The following GUCY1A1 variants were observed in gnomAD, a reference collection of about 807,000 sequenced individuals.
GUCY1A1 encodes the protein guanylate cyclase 1 soluble subunit alpha 1, also known as guanylate cyclase soluble subunit alpha-1.
Under a neutral mutation model 64.5 loss-of-function variants are expected in GUCY1A1, and 48 were observed. The observed-to-expected ratio is 0.74, with a 90% CI of 0.59 to 0.95. The LOEUF (loss-of-function observed/expected upper bound fraction) is 0.95. Ranked by LOEUF, GUCY1A1 falls within the 40% of genes least tolerant of loss-of-function variation. The pLI, the probability that GUCY1A1 is intolerant of heterozygous loss-of-function variation, is 0.00. For synonymous variants in GUCY1A1, 308 were observed against 303.4 expected, an observed-to-expected ratio of 1.02 and a Z score of -0.16; for missense variants, 804 against 825.3, an observed-to-expected ratio of 0.97 and a Z score of 0.32.
chr4:155,680,288 T>A (rs980769732), intron 2 of GUCY1A1, among the ~76,000 whole-genome samples: 3 of 152,258 alleles, frequency 2.0e-5, no homozygotes, highest in Admixed American at 2.0e-4. Flanking sequence ...TTATTAACAG[T>A]ATCATAAATG....
chr4:155,690,593 A>T (rs1729608299), intron 2 of GUCY1A1, among the ~76,000 whole-genome samples: 1 of 152,128 alleles, frequency 6.6e-6, no homozygotes, highest in Non-Finnish European at 1.5e-5. Context: ...CTCTGTCTTA[A>T]CCTCATTCAT....
chr4:155,671,611 G>C (rs749792388), intron 2 of GUCY1A1, among the ~76,000 whole-genome samples: 6 of 152,044 alleles, frequency 3.9e-5, no homozygotes, highest in Non-Finnish European at 8.8e-5. Context: ...AGGATGTTAA[G>C]GTCAGTTTGG....
chr4:155,679,474 A>T (rs1323593553), intron 2 of GUCY1A1, among the ~76,000 whole-genome samples: 5 of 152,192 alleles, frequency 3.3e-5, no homozygotes, highest in Admixed American at 3.3e-4. Flanking sequence ...AAGGGGAGCC[A>T]GCGTGTGCAG....
intron 2 of GUCY1A1, among the ~76,000 whole-genome samples, chr4:155,686,172 G>A (rs1728975493): frequency 6.6e-6 from 1 of 152,168 alleles, no homozygotes; most frequent in African/African-American, 2.4e-5. Flanking sequence ...CATTGAGAAA[G>A]TAAGTAGATA....
intron 3 of GUCY1A1, among the ~76,000 whole-genome samples, chr4:155,702,789 C>T (rs1731260684): frequency 6.6e-6 from 1 of 151,952 alleles, no homozygotes; most frequent in Non-Finnish European, 1.5e-5. Flanking sequence ...TAACTCATGT[C>T]ATTAAAACAG....
At chr4:155,705,839 G>A (rs982832003) in intron 4 of GUCY1A1, among the ~76,000 whole-genome samples, 3 of 152,198 alleles carry the variant, frequency 2.0e-5, no homozygotes, top group Non-Finnish European at 4.4e-5. Flanking sequence ...AGGTCCAGAA[G>A]GAAAGAGTGT....
chr4:155,684,949 A>G (rs1179464413), intron 2 of GUCY1A1, among the ~76,000 whole-genome samples: 1 of 152,224 alleles, frequency 6.6e-6, no homozygotes, highest in Non-Finnish European at 1.5e-5. Flanking sequence ...TTTAACAGAT[A>G]CAATTTAGTC....
chr4:155,682,608 G>T (rs990601421), intron 2 of GUCY1A1, among the ~76,000 whole-genome samples: 1 of 151,778 alleles, frequency 6.6e-6, no homozygotes, highest in Non-Finnish European at 1.5e-5. Flanking sequence ...GGAGGTGGAG[G>T]TTGCAGTGAG....
chr4:155,722,521 T>G lies in GUCY1A1; in HGVS notation c.1871+329T>G, dbSNP rs149642364. The G allele has an allele frequency of 7.6e-4, 655 of 858,822 alleles. 4 individuals are homozygous for G. The East Asian group carries it at 0.019, about 25-fold the overall frequency. The allele number at this position is 858,822 out of a possible 1,614,324, so 53.2% of individuals were successfully genotyped here. A position where few individuals can be genotyped will look rare whatever the true frequency, so the allele number is the denominator to read the frequency against. The stretch of plus-strand genomic sequence containing the variant: ...CATCAACTAGTACACTGCAGTGCAG[T>G]TCTGGCAGTAAACACCCAGACTCAG... On this transcript the variant is annotated intron_variant, in intron 9 of 9. Transcript: ENST00000506455.
intron 2 of GUCY1A1, among the ~76,000 whole-genome samples, chr4:155,684,565 G>A (rs1728722434): frequency 6.6e-6 from 1 of 152,120 alleles, no homozygotes; most frequent in African/African-American, 2.4e-5. Flanking sequence ...CTGGTCCCCT[G>A]GGCCACCTCC....
In GUCY1A1 at chr4:155,713,482, A is replaced by G; in HGVS notation, c.1471A>G (p.Thr491Ala). 1.9e-6 allele frequency: 3 copies of G among 1,614,160 alleles called. No individual in the cohort carries two copies. The highest frequency in any genetic ancestry group is 2.5e-6 in the Non-Finnish European group (3 of 1,180,016). The change falls in exon 7 of 10, where the codon ACT becomes GCT. Residue 491 changes from threonine to alanine, a missense_variant. By Grantham distance (58) the Thr-to-Ala change is moderately conservative. Coordinates refer to ENST00000506455, the MANE Select transcript of GUCY1A1 (RefSeq NM_001130682.3). ...GCTCTTCTCAGACATCGTTGGGTTC[A>G]CTGCCATCTGCTCCCAGTGCTCACC... is the stretch of plus-strand genomic sequence containing the variant. ...TMLFSDIVGFTAICSQCSPLQ... is the reference protein window; with the variant it reads ...TMLFSDIVGFAAICSQCSPLQ...
intron 2 of GUCY1A1, among the ~76,000 whole-genome samples, chr4:155,687,507 G>T (rs1182294865): frequency 1.3e-5 from 2 of 152,084 alleles, no homozygotes; most frequent in Non-Finnish European, 2.9e-5. Flanking sequence ...AATTCATGAA[G>T]TTATGAAACT....
At chr4:155,729,276 T>C (rs1735204295) in intron 9 of GUCY1A1, among the ~76,000 whole-genome samples, 1 of 151,826 alleles carries the variant, frequency 6.6e-6, no homozygotes, top group Non-Finnish European at 1.5e-5. Context: ...AGAAGGCTTA[T>C]TAAGTTCTCA....
At chr4:155,710,504 A>T (rs775476768) in intron 5 of GUCY1A1, 38 bp from the exon 6 acceptor site, 2 of 1,176,130 alleles carry the variant, frequency 1.7e-6, no homozygotes, top group African/African-American at 3.1e-5. Flanking sequence ...CCAAGGTGGC[A>T]TATTTGATAT....
chr4:155,727,601 T>G (rs945880894), intron 9 of GUCY1A1, among the ~76,000 whole-genome samples: 1 of 151,802 alleles, frequency 6.6e-6, no homozygotes, highest in Non-Finnish European at 1.5e-5. Flanking sequence ...TTTAATCACC[T>G]ATAGTTTTAT....
Position 155,711,232 on chromosome 4 carries a change from C to T in GUCY1A1, c.1067C>T (p.Ser356Phe), listed in dbSNP as rs1353410835. Residue 356 changes from serine (S) to phenylalanine (F), a missense_variant, in exon 6 of 10, where the codon TCT (serine) becomes TTT (phenylalanine). Physicochemically the swap from Ser to Phe is radical, Grantham distance 155. Transcript: ENST00000506455. ...GTACGAGTGAGGAGATGGGACAACTCTGTGAAAAAATCTTCAAGGGTAAGG... is the reference window on the plus strand; with the variant it reads ...GTACGAGTGAGGAGATGGGACAACTTTGTGAAAAAATCTTCAAGGGTAAGG... ...FVVRVRRWDN[S>F]VKKSSRVMDL... 2 of 1,565,812 alleles carry T rather than the reference C, an allele frequency of 1.3e-6. No individual in the cohort carries two copies. Among genetic ancestry groups the T allele is most frequent in the Non-Finnish European group, 1.8e-6 (2 of 1,136,638 alleles).
At chr4:155,714,379 T>A (rs956828167) in intron 7 of GUCY1A1, among the ~76,000 whole-genome samples, 14 of 152,228 alleles carry the variant, frequency 9.2e-5, no homozygotes, top group Admixed American at 9.2e-4. Context: ...TCATACAGGA[T>A]GAGCCAGGCA....
At chr4:155,685,555 C>A (rs1187868870) in intron 2 of GUCY1A1, among the ~76,000 whole-genome samples, 2 of 152,078 alleles carry the variant, frequency 1.3e-5, no homozygotes, top group Admixed American at 6.5e-5. Flanking sequence ...GCAGCTCCTC[C>A]ACCGCCTGAA....
At chr4:155,687,341 T>G (rs963537252) in intron 2 of GUCY1A1, among the ~76,000 whole-genome samples, 4 of 152,216 alleles carry the variant, frequency 2.6e-5, no homozygotes, top group Non-Finnish European at 5.9e-5. Flanking sequence ...GGCAAGTGAC[T>G]GAAGACTTGA....
Sources: gnomAD v4.1 joint callset for allele counts (sites outside exome capture counted in the v4.1 genomes callset) on GRCh38, gnomAD v4.1.1 for gene constraint, MANE v1.5 for transcripts, NCBI Gene and HGNC (gene_info 2026-07-23, HGNC 2026-07-21) for gene names.